The following RTN1 variants were observed in gnomAD, a reference collection of about 807,000 sequenced individuals.
RTN1 encodes the protein reticulon 1.
In RTN1, 25 loss-of-function variants were observed where a neutral mutation model predicts 65.5. The observed-to-expected ratio is 0.38, with a 90% CI of 0.28 to 0.53. The LOEUF (loss-of-function observed/expected upper bound fraction) is 0.53. RTN1 is among the 20% of genes least tolerant of loss of function. The probability of loss-of-function intolerance (pLI) is 0.79; values close to 1 mark genes in which losing one functional copy is unlikely to be tolerated. For missense variants in RTN1, 983 were observed against 1,025.4 expected, an observed-to-expected ratio of 0.96 and a Z score of 0.57; for synonymous variants, 471 against 447.6, an observed-to-expected ratio of 1.05 and a Z score of -0.66.
intron 1 of RTN1, among the ~76,000 whole-genome samples, chr14:59,750,140 ATATATATATTATAGATAATATATAT>A (rs1885428116): frequency 4.8e-5 from 3 of 62,180 alleles, no homozygotes; most frequent in Admixed American, 2.9e-4. Context: ...ATAATATATA[ATATATATATTATAGATAATATATAT>A]TATATCTATA....
chr14:59,744,557 A>G (rs1885177817), intron 2 of RTN1, among the ~76,000 whole-genome samples: 1 of 152,244 alleles, frequency 6.6e-6, no homozygotes. Context: ...ACCATAGCCT[A>G]ATGAAGTCTA....
Position 59,727,279 on chromosome 14 carries a change from C to T in RTN1, c.1405G>A (p.Glu469Lys). The stretch of plus-strand genomic sequence containing the variant: ...GAGGCCGAGGAGGCGTCGCACGACT[C>T]GATGATGAGCTCGCTGTCCAGCTCG... ...EAELDSELII[E>K]SCDASSASEE... The change falls in exon 3 of 9, where the codon GAG becomes AAG. Residue 469 changes from glutamate (E) to lysine (K), a missense_variant. Physicochemically the swap from Glu to Lys is moderately conservative, Grantham distance 56 (BLOSUM62 1). Around this residue, in one of 2 missense-constraint regions of RTN1, gnomAD observed 818 missense variants for 801.8 expected, o/e 1.02. Transcript: ENST00000267484. This position sits in a 1 kb window ranked among gnomAD's most constrained non-coding sequence, Gnocchi z 4.2. 6.6e-7 allele frequency: 1 copy of T among 1,503,808 alleles called. No individual in the cohort carries two copies. The highest frequency in any genetic ancestry group is 2.4e-5 in the East Asian group (1 of 41,102). The allele number at this position is 1,503,808 out of a possible 1,614,324, so 93.2% of individuals were successfully genotyped here. A position where few individuals can be genotyped will look rare whatever the true frequency, so the allele number is the denominator to read the frequency against.
intron 1 of RTN1, among the ~76,000 whole-genome samples, chr14:59,799,596 TG>T (rs1886502392): frequency 6.6e-6 from 1 of 152,210 alleles, no homozygotes; most frequent in Admixed American, 6.5e-5. Flanking sequence ...TTAGAATAAC[TG>T]GGTACCCCAG....
chr14:59,750,266 A>T (rs1342716100), intron 1 of RTN1, among the ~76,000 whole-genome samples: 2 of 68,770 alleles, frequency 2.9e-5, no homozygotes, highest in African/African-American at 1.6e-4. Flanking sequence ...AATATATATA[A>T]TATCTATAAT....
intron 4 of RTN1, chr14:59,606,206 C>T (rs146858884): frequency 6.6e-6 from 1 of 150,634 alleles, no homozygotes; most frequent in Non-Finnish European, 1.5e-5. Context: ...CCTGCCTCCC[C>T]TCTGCTCTAA....
intron 3 of RTN1, among the ~76,000 whole-genome samples, chr14:59,684,248 G>C (rs565386660): frequency 3.4e-4 from 52 of 151,970 alleles, no homozygotes; most frequent in Middle Eastern, 6.8e-3. Context: ...ATTTGAGGTA[G>C]TTCCTGTTAT....
At chr14:59,674,480 GA>G (rs1468287836) in intron 3 of RTN1, among the ~76,000 whole-genome samples, 4 of 152,226 alleles carry the variant, frequency 2.6e-5, no homozygotes, top group Non-Finnish European at 5.9e-5. Flanking sequence ...TACAGATTAA[GA>G]AGCACGGAGT....
intron 1 of RTN1, among the ~76,000 whole-genome samples, chr14:59,859,938 T>G (rs575842693): frequency 7.9e-4 from 120 of 152,324 alleles, no homozygotes; most frequent in Non-Finnish European, 1.3e-3. Flanking sequence ...ACTAGGGTGC[T>G]GTTAAAGGCA....
intron 1 of RTN1, among the ~76,000 whole-genome samples, chr14:59,828,262 T>C (rs1887067554): frequency 1.3e-5 from 2 of 152,246 alleles, no homozygotes; most frequent in Non-Finnish European, 2.9e-5. Context: ...AACTACTCCA[T>C]GATCTAATCA....
chr14:59,771,338 G>C (rs1885954949), intron 1 of RTN1, among the ~76,000 whole-genome samples: 1 of 152,200 alleles, frequency 6.6e-6, no homozygotes. Context: ...AGAATAAGCA[G>C]AGTTGCTGGT....
chr14:59,860,008 G>A (rs1376217849), intron 1 of RTN1, among the ~76,000 whole-genome samples: 1 of 152,200 alleles, frequency 6.6e-6, no homozygotes, highest in Non-Finnish European at 1.5e-5. Context: ...CTAATAATGT[G>A]ATAGAAAACC....
chr14:59,793,962 G>A (rs1397437341), intron 1 of RTN1, among the ~76,000 whole-genome samples: 7 of 151,946 alleles, frequency 4.6e-5, no homozygotes, highest in African/African-American at 1.5e-4. Flanking sequence ...CCTTAGATCC[G>A]CTTATCTTCA....
chr14:59,603,831 T>C (rs45605937), intron 6 of RTN1, 21 bp downstream of exon 6: 122,605 of 1,594,512 alleles, frequency 0.077, 5,468 homozygotes, highest in Non-Finnish European at 0.088. Context: ...GGAAGACGTA[T>C]ACAGTCTTAT....
At chr14:59,843,612 G>C (rs1435388318) in intron 1 of RTN1, among the ~76,000 whole-genome samples, 1 of 152,026 alleles carries the variant, frequency 6.6e-6, no homozygotes, top group Non-Finnish European at 1.5e-5. Flanking sequence ...GCACACACTT[G>C]GAAAAATAAG....
At chr14:59,744,221 T>A (rs1018544636) in intron 2 of RTN1, among the ~76,000 whole-genome samples, 3 of 152,220 alleles carry the variant, frequency 2.0e-5, no homozygotes, top group Non-Finnish European at 4.4e-5. Context: ...GCTTCCATTT[T>A]CAGAGTTTAC....
At chr14:59,664,328 GA>G (rs1883316836) in intron 3 of RTN1, among the ~76,000 whole-genome samples, 1 of 152,114 alleles carries the variant, frequency 6.6e-6, no homozygotes, top group Non-Finnish European at 1.5e-5. Context: ...GTGGTGGGGG[GA>G]AAGGGAAGTG....
intron 3 of RTN1, among the ~76,000 whole-genome samples, chr14:59,632,969 G>A (rs565532082): frequency 6.6e-6 from 1 of 152,188 alleles, no homozygotes; most frequent in South Asian, 2.1e-4. Context: ...GGGCATGGTG[G>A]CATGCACCTG....
intron 3 of RTN1, among the ~76,000 whole-genome samples, chr14:59,678,609 T>A (rs1157298194): frequency 6.6e-6 from 1 of 152,160 alleles, no homozygotes; most frequent in Non-Finnish European, 1.5e-5. Flanking sequence ...CCACAGCACA[T>A]GTTGGGACCT....
intron 1 of RTN1, among the ~76,000 whole-genome samples, chr14:59,776,124 T>C (rs1886045342): frequency 2.0e-5 from 3 of 152,178 alleles, no homozygotes; most frequent in African/African-American, 7.2e-5. Flanking sequence ...GCCAACATTA[T>C]GATGTTGCTG....
Sources: gnomAD v4.1 joint callset for allele counts (sites outside exome capture counted in the v4.1 genomes callset) on GRCh38, gnomAD v4.1.1 for gene constraint, gnomAD v4.1.1 regional missense constraint, Gnocchi (gnomAD v3.1) non-coding constraint, MANE v1.5 for transcripts, NCBI Gene and HGNC (gene_info 2026-07-23, HGNC 2026-07-21) for gene names.